LRCH2: variants seen among roughly 807,000 people sequenced by gnomAD.
LRCH2 encodes leucine-rich repeat and calponin homology domain-containing protein 2.
A neutral mutation model predicts 68.9 loss-of-function variants in LRCH2; 38 were observed. The observed-to-expected ratio is 0.55, with a 90% CI of 0.43 to 0.72. The LOEUF is 0.72. LRCH2 is among the 30% of genes least tolerant of loss of function. LRCH2 has a pLI of 0.00. For synonymous variants in LRCH2, 191 were observed against 208.1 expected (o/e 0.92, Z 0.71); for missense variants, 528 against 572.9 (o/e 0.92, Z 0.80).
intron 10 of LRCH2, 89 bp downstream of exon 10, chrX:115,165,316 A>T: frequency 1.5e-6 from 1 of 646,323 alleles, no homozygotes; most frequent in South Asian, 3.4e-5. Flanking sequence ...ACAAAAAATT[A>T]TATTTTTTTC....
At position 115,188,281 on chromosome X, in the gene LRCH2, T is replaced by G. The variant is rs1556555309; in HGVS notation, c.439A>C (p.Lys147Gln). 8.4e-7 allele frequency: 1 copy of G among 1,189,409 alleles called. No individual in the cohort carries two copies. Among genetic ancestry groups the G allele is most frequent in the Admixed American group, 2.3e-5 (1 of 43,954 alleles). The change falls in exon 2 of 21, where the codon AAA becomes CAA. Residue 147 changes from lysine to glutamine, a missense_variant. By Grantham distance (53) the Lys-to-Gln change is moderately conservative (BLOSUM62 1). Coordinates refer to ENST00000317135, the MANE Select transcript of LRCH2 (RefSeq NM_020871.4). Reference sequence around the variant, plus strand: ...TTTTTAATGGCTTCAGGAATGGTTTTGATGCAATTATGATATAAATTTAAT... The same window carrying G: ...TTTTTAATGGCTTCAGGAATGGTTTGGATGCAATTATGATATAAATTTAAT... ...ETLNLYHNCI[K>Q]TIPEAIKNLQ...
chrX:115,122,385 G>C, intron 20 of LRCH2, 142 bp downstream of exon 20: 1 of 460,799 alleles, frequency 2.2e-6, no homozygotes, highest in South Asian at 3.8e-5. Flanking sequence ...TACAGTGAAA[G>C]CTGGAGCTTA....
At chrX:115,206,814 T>C (rs781908741) in intron 1 of LRCH2, among the ~76,000 whole-genome samples, 2 of 108,831 alleles carry the variant, frequency 1.8e-5, no homozygotes, top group African/African-American at 6.7e-5. Flanking sequence ...ATCTAATTCT[T>C]AGGTGTTTCA....
At chrX:115,213,749 GACTAAA>G (rs1250511161) in intron 1 of LRCH2, among the ~76,000 whole-genome samples, 10 of 111,732 alleles carry the variant, frequency 8.9e-5, no homozygotes, top group Non-Finnish European at 1.7e-4. Flanking sequence ...AAGTCTTACT[GACTAAA>G]AAAGAGGGGA....
At position 115,149,916 on chromosome X, in the gene LRCH2, C is replaced by T. The variant is rs190231684; in HGVS notation, c.1606G>A (p.Asp536Asn). The T allele has an allele frequency of 3.6e-4, 434 of 1,198,044 alleles. 1 individual carries two copies. The East Asian group carries it at 0.013, about 35-fold the overall frequency. Residue 536 changes from aspartate (D) to asparagine (N), a missense_variant, in exon 14 of 21, where the codon GAT (aspartate) becomes AAT (asparagine). Asp to Asn is a conservative substitution (Grantham distance 23). Coordinates refer to ENST00000317135, the MANE Select transcript of LRCH2 (RefSeq NM_020871.4). ...TGAGATTCTGGCCACGGTTGTTCATCTATTTGATCCTTCTGATTTTCTAAG... is the reference window on the plus strand; with the variant it reads ...TGAGATTCTGGCCACGGTTGTTCATTTATTTGATCCTTCTGATTTTCTAAG... ...QPLENQKDQIDEQPWPESHPI... is the reference protein window; with the variant it reads ...QPLENQKDQINEQPWPESHPI...
In LRCH2 at chrX:115,192,393, G is replaced by T. The variant is rs868943021; in HGVS notation, c.350-4023C>A. On this transcript the variant is annotated intron_variant, in intron 1 of 20. Coordinates refer to ENST00000317135, the MANE Select transcript of LRCH2 (RefSeq NM_020871.4). The stretch of plus-strand genomic sequence containing the variant: ...GCTACGGAGGAGGAGGCCACTACGA[G>T]GAGTACCAGGGCAGCTTGCCTGACG... 3 of 1,166,106 alleles carry T rather than the reference G, an allele frequency of 2.6e-6. No individual in the cohort carries two copies. The African/African-American group carries it at 5.3e-5, about 21-fold the overall frequency.
intron 1 of LRCH2, among the ~76,000 whole-genome samples, chrX:115,231,357 A>G (rs1315838682): frequency 2.7e-5 from 3 of 111,469 alleles, no homozygotes; most frequent in Non-Finnish European, 3.8e-5. Flanking sequence ...TCTCAAACAC[A>G]CTCTATTTTT....
At chrX:115,230,258 CACTGTT>C (rs1556578029) in intron 1 of LRCH2, among the ~76,000 whole-genome samples, 1 of 111,234 alleles carries the variant, frequency 9.0e-6, no homozygotes, top group East Asian at 2.8e-4. Flanking sequence ...ACTTTCTGAT[CACTGTT>C]TTATGTCCTT....
chrX:115,140,904 GA>G (rs1556533964), intron 14 of LRCH2, among the ~76,000 whole-genome samples: 1 of 111,013 alleles, frequency 9.0e-6, no homozygotes, highest in Non-Finnish European at 1.9e-5. Context: ...CTGAATAGAT[GA>G]AAAAATAAGA....
chrX:115,212,929 C>T (rs2073018190), intron 1 of LRCH2, among the ~76,000 whole-genome samples: 1 of 109,135 alleles, frequency 9.2e-6, no homozygotes. Context: ...GCCGATTGTG[C>T]CACTGCACTC....
intron 14 of LRCH2, among the ~76,000 whole-genome samples, chrX:115,143,848 T>C (rs1164490150): frequency 2.7e-5 from 3 of 112,168 alleles, no homozygotes; most frequent in Non-Finnish European, 5.6e-5. Flanking sequence ...ATTGTTGTGA[T>C]ACATCATAAC....
intron 20 of LRCH2, among the ~76,000 whole-genome samples, chrX:115,114,897 T>C (rs941912586): frequency 2.7e-5 from 3 of 110,689 alleles, no homozygotes; most frequent in Admixed American, 9.7e-5. Flanking sequence ...AAATCACTTC[T>C]ATTTCTATGA....
rs781883991 is a variant in LRCH2 at position 115,155,061 on chromosome X, AAG to A, written c.1529+1539_1529+1540del. Among the ~76,000 whole-genome samples, 10 of 75,500 alleles carry A rather than the reference AAG, an allele frequency of 1.3e-4. No homozygotes were observed. The East Asian group carries it at 1.5e-3, about 11-fold the overall frequency. The allele number at this position is 75,500 out of a possible 115,157, so 65.6% of individuals were successfully genotyped here. On this transcript the variant is annotated intron_variant, in intron 12 of 20. Coordinates refer to ENST00000317135, the MANE Select transcript of LRCH2 (RefSeq NM_020871.4). ...GTCAAAAAAAAAAAAAAAAAAAAAA[AAG>A]AGAGAGAGAGAGAGAAAGAGAAAGA...
chrX:115,155,141 A>C lies in LRCH2; in HGVS notation c.1529+1461T>G, dbSNP rs1186126037. Among the ~76,000 whole-genome samples the C allele has an allele frequency of 3.7e-5, 4 of 109,505 alleles. No homozygotes were observed. The East Asian group carries it at 8.5e-4, about 23-fold the overall frequency. ...GTACAGGATATATAAAGTTCATCAA[A>C]ATGTATATTTAGATTTAGTAGGTAT... On this transcript the variant is annotated intron_variant, in intron 12 of 20. Coordinates refer to ENST00000317135, the MANE Select transcript of LRCH2 (RefSeq NM_020871.4).
chrX:115,167,155 T>G (rs1382746528), intron 6 of LRCH2, among the ~76,000 whole-genome samples: 2 of 88,534 alleles, frequency 2.3e-5, no homozygotes, highest in African/African-American at 9.0e-5. Context: ...TGGTAATCAC[T>G]ATGTTTTAAT....
intron 14 of LRCH2, among the ~76,000 whole-genome samples, chrX:115,135,711 C>T (rs782655885): frequency 1.8e-4 from 20 of 111,336 alleles, no homozygotes; most frequent in Non-Finnish European, 2.8e-4. Flanking sequence ...TCGCATGCTA[C>T]AGAGAAATCT....
At position 115,157,813 on chromosome X, in the gene LRCH2, T is replaced by C. The variant is rs782110380; in HGVS notation, c.1464-1146A>G. Among the ~76,000 whole-genome samples, 3 of 110,123 alleles carry C rather than the reference T, an allele frequency of 2.7e-5. No individual in the cohort carries two copies. The South Asian group carries it at 1.2e-3, about 44-fold the overall frequency. ...TACCCTGGGGGAAATTTCAGAATTA[T>C]TGCAGGGGAGGGGACTCAAACTACA... On this transcript the variant is annotated intron_variant, in intron 11 of 20. Transcript: ENST00000317135.
chrX:115,149,020 G>A (rs1397364117), intron 14 of LRCH2, among the ~76,000 whole-genome samples: 1 of 111,327 alleles, frequency 9.0e-6, no homozygotes, highest in African/African-American at 3.3e-5. Context: ...CTACAATGTA[G>A]ACTAGTACTA....
chrX:115,201,544 C>A (rs998817450), intron 1 of LRCH2, among the ~76,000 whole-genome samples: 9 of 111,416 alleles, frequency 8.1e-5, no homozygotes, highest in African/African-American at 2.9e-4. Context: ...CCATATACAA[C>A]AAACCCATGT....
Sources: allele counts gnomAD v4.1 joint callset (sites outside exome capture counted in the v4.1 genomes callset), GRCh38; gene constraint gnomAD v4.1.1; transcripts MANE v1.5; gene names NCBI Gene and HGNC (gene_info 2026-07-23, HGNC 2026-07-21).